The following CMSS1 variants were observed in gnomAD, a reference collection of about 807,000 sequenced individuals.
CMSS1 encodes protein CMSS1.
CMSS1 carries 33 observed loss-of-function variants against 43.5 expected under a neutral mutation model. The observed-to-expected ratio is 0.76, with a 90% CI of 0.57 to 1.01. The LOEUF (loss-of-function observed/expected upper bound fraction) is 1.01, where lower values mean the gene tolerates loss of function less well. CMSS1 is among the 50% of genes least tolerant of loss of function. The pLI is 0.00. For synonymous variants in CMSS1, 115 were observed against 117.2 expected (o/e 0.98, Z 0.12); for missense variants, 313 against 326.4 (o/e 0.96, Z 0.32).
chr3:99,933,776 T>C (rs913774814), intron 1 of CMSS1, among the ~76,000 whole-genome samples: 30 of 152,228 alleles, frequency 2.0e-4, no homozygotes, highest in African/African-American at 6.8e-4. Flanking sequence ...TTCATTCATG[T>C]CTCACATGGC....
intron 1 of CMSS1, among the ~76,000 whole-genome samples, chr3:99,935,574 T>C (rs1367376029): frequency 6.6e-6 from 1 of 152,226 alleles, no homozygotes; most frequent in Non-Finnish European, 1.5e-5. Flanking sequence ...TCACTCAGGC[T>C]GGAACAAGGA....
At chr3:99,821,046 A>T (rs1688758) in intron 1 of CMSS1, among the ~76,000 whole-genome samples, 107,479 of 151,446 alleles carry the variant, frequency 0.71, 38,401 homozygotes, top group East Asian at 0.81. Flanking sequence ...ATGGTTTATA[A>T]CATCTATCTA....
At chr3:100,007,383 A>G (rs1443692424) in intron 1 of CMSS1, among the ~76,000 whole-genome samples, 1 of 152,276 alleles carries the variant, frequency 6.6e-6, no homozygotes, top group East Asian at 1.9e-4. Context: ...GATTTTTGCC[A>G]TGGCTCGCTA....
At chr3:99,983,270 A>G (rs1709180399) in intron 1 of CMSS1, among the ~76,000 whole-genome samples, 1 of 150,994 alleles carries the variant, frequency 6.6e-6, no homozygotes, top group Non-Finnish European at 1.5e-5. Flanking sequence ...ACAGTGACTC[A>G]TGCCTGTAAT....
At chr3:100,040,442 G>T (rs371552946) in intron 1 of CMSS1, 22 of 152,152 alleles carry the variant, frequency 1.4e-4, no homozygotes, top group African/African-American at 5.3e-4. Flanking sequence ...AGATGTGACC[G>T]TGGTTTTAGA....
chr3:100,024,167 G>A (rs1185176246), intron 1 of CMSS1, among the ~76,000 whole-genome samples: 1 of 152,132 alleles, frequency 6.6e-6, no homozygotes, highest in Non-Finnish European at 1.5e-5. Context: ...TCATCTGGTT[G>A]TAAATAACAG....
chr3:99,929,031 A>C (rs983749230), intron 1 of CMSS1, among the ~76,000 whole-genome samples: 7 of 152,224 alleles, frequency 4.6e-5, no homozygotes, highest in African/African-American at 1.7e-4. Flanking sequence ...GCCAGAGTTT[A>C]TTTGAGGGAA....
chr3:100,117,765 A>T (rs1244433715), intron 1 of CMSS1, among the ~76,000 whole-genome samples: 1 of 144,978 alleles, frequency 6.9e-6, no homozygotes, highest in African/African-American at 2.6e-5. Context: ...TTTTTTTACC[A>T]TCACAATAGC....
At chr3:100,055,331 A>T (rs2065446488) in intron 1 of CMSS1, among the ~76,000 whole-genome samples, 2 of 152,072 alleles carry the variant, frequency 1.3e-5, no homozygotes, top group Admixed American at 1.3e-4. Context: ...CCCCAACATC[A>T]CTGGCACACT....
intron 1 of CMSS1, among the ~76,000 whole-genome samples, chr3:100,084,540 A>G (rs908773329): frequency 6.6e-6 from 1 of 152,216 alleles, no homozygotes; most frequent in African/African-American, 2.4e-5. Flanking sequence ...CGGGAAAACA[A>G]TACAGTGTTA....
At chr3:100,165,831 C>A (rs1451889738) in intron 4 of CMSS1, among the ~76,000 whole-genome samples, 6 of 152,128 alleles carry the variant, frequency 3.9e-5, no homozygotes, top group African/African-American at 1.4e-4. Context: ...TCCAGAATAT[C>A]TATACCAGTT....
chr3:99,971,970 G>T (rs1207427699), intron 1 of CMSS1, among the ~76,000 whole-genome samples: 1 of 152,200 alleles, frequency 6.6e-6, no homozygotes, highest in African/African-American at 2.4e-5. Flanking sequence ...ACATGGATTA[G>T]TCATAAAATT....
chr3:99,941,821 T>C (rs1707858067), intron 1 of CMSS1, among the ~76,000 whole-genome samples: 2 of 152,292 alleles, frequency 1.3e-5, no homozygotes, highest in South Asian at 4.1e-4. Context: ...TGTTTTCATA[T>C]TTGTGAGGTG....
chr3:100,111,417 TTTATC>T (rs2107477713), intron 1 of CMSS1, among the ~76,000 whole-genome samples: 1 of 152,306 alleles, frequency 6.6e-6, no homozygotes, highest in South Asian at 2.1e-4. Flanking sequence ...TAAAACTTAG[TTTATC>T]TATCTGCTGA....
At chr3:100,001,979 C>G (rs559586361) in intron 1 of CMSS1, among the ~76,000 whole-genome samples, 2 of 152,260 alleles carry the variant, frequency 1.3e-5, no homozygotes, top group South Asian at 4.2e-4. Context: ...GTCCATATCC[C>G]CCCCAATTCT....
chr3:99,857,093 A>T (rs1354055318), intron 1 of CMSS1, among the ~76,000 whole-genome samples: 5 of 152,004 alleles, frequency 3.3e-5, no homozygotes, highest in African/African-American at 1.2e-4. Context: ...AACCACATGA[A>T]TTTTTTTTGA....
At chr3:100,128,414 A>AAAT (rs1281525967) in intron 1 of CMSS1, among the ~76,000 whole-genome samples, 1 of 152,240 alleles carries the variant, frequency 6.6e-6, no homozygotes, top group African/African-American at 2.4e-5. Flanking sequence ...TTGATCTTAA[A>AAAT]AATAAACATA....
chr3:100,125,796 G>A (rs1429131132), intron 1 of CMSS1, among the ~76,000 whole-genome samples: 5 of 151,860 alleles, frequency 3.3e-5, no homozygotes, highest in Non-Finnish European at 7.4e-5. Context: ...TCCTTTTTTT[G>A]GCATAAAAGT....
chr3:100,033,446 G>C (rs896672085), intron 1 of CMSS1, among the ~76,000 whole-genome samples: 4 of 152,134 alleles, frequency 2.6e-5, no homozygotes, highest in Non-Finnish European at 5.9e-5. Flanking sequence ...AGAGCTTTGT[G>C]TTATCTTCTT....
Sources: allele counts gnomAD v4.1 joint callset (sites outside exome capture counted in the v4.1 genomes callset), GRCh38; gene constraint gnomAD v4.1.1; transcripts MANE v1.5; gene names NCBI Gene and HGNC (gene_info 2026-07-23, HGNC 2026-07-21).